TBCEL: variants seen among roughly 807,000 people sequenced by gnomAD.
TBCEL encodes the protein tubulin-specific chaperone cofactor E-like protein.
A neutral mutation model predicts 44.2 loss-of-function variants in TBCEL; 15 were observed. That is an observed-to-expected ratio of 0.34 (90% CI 0.23 to 0.52). The LOEUF (loss-of-function observed/expected upper bound fraction) is 0.52, where lower values mean the gene tolerates loss of function less well. Among genes scored for constraint, TBCEL ranks in the 20% least tolerant of loss-of-function variants. The pLI is 0.95. For synonymous variants in TBCEL, 171 were observed against 185.4 expected, an observed-to-expected ratio of 0.92 and a Z score of 0.63; for missense variants, 319 against 506.3, an observed-to-expected ratio of 0.63 and a Z score of 3.55.
intron 5 of TBCEL, chr11:121,054,840 A>C (rs1030923420): frequency 7.0e-6 from 3 of 429,312 alleles, no homozygotes; most frequent in African/African-American, 6.1e-5. Context: ...GCACTACCTT[A>C]TATCATTCTT....
At chr11:121,039,717 GAAGAAAACAATTACCCAAGTGGAT>G (rs1945297834) in intron 2 of TBCEL, among the ~76,000 whole-genome samples, 1 of 152,202 alleles carries the variant, frequency 6.6e-6, no homozygotes, top group African/African-American at 2.4e-5. Context: ...GTTGTCTTGT[GAAGAAAACAATTACCCAAGTGGAT>G]AGCAAATCAC....
chr11:121,037,688 T>C (rs1945256889), intron 2 of TBCEL, among the ~76,000 whole-genome samples: 2 of 152,236 alleles, frequency 1.3e-5, no homozygotes, highest in African/African-American at 4.8e-5. Flanking sequence ...TATCTAATCT[T>C]TGTGTAAAAA....
intron 2 of TBCEL, among the ~76,000 whole-genome samples, chr11:121,038,696 G>C (rs1229778968): frequency 2.0e-5 from 3 of 151,982 alleles, no homozygotes; most frequent in Non-Finnish European, 4.4e-5. Flanking sequence ...CTTAGTTTTT[G>C]CTGACCTCCC....
At chr11:121,042,057 C>T (rs1481570201) in intron 2 of TBCEL, among the ~76,000 whole-genome samples, 2 of 152,058 alleles carry the variant, frequency 1.3e-5, no homozygotes, top group African/African-American at 2.4e-5. Flanking sequence ...ACCATCCCTT[C>T]GTTTCTCTGT....
chr11:121,055,187 T>C lies in TBCEL; in HGVS notation c.591T>C (p.Val197=), dbSNP rs778699929. ...QDWTEIRKLG[V]MFPSLDTLVL... ...GGACTGAAATACGAAAGTTAGGAGTTATGTTTCCTTCACTGGATACCCTCG... is the reference window on the plus strand; with the variant it reads ...GGACTGAAATACGAAAGTTAGGAGTCATGTTTCCTTCACTGGATACCCTCG... Residue 197 remains valine (V), a synonymous_variant, in exon 6 of 9, where the codon GTT becomes GTC. Transcript: ENST00000683345. 35 of 1,612,248 alleles carry C rather than the reference T, an allele frequency of 2.2e-5. No individual in the cohort carries two copies. The highest frequency in any genetic ancestry group is 2.9e-5 in the Non-Finnish European group (34 of 1,179,014).
chr11:121,084,970 T>C (rs1946189421), intron 8 of TBCEL, among the ~76,000 whole-genome samples: 1 of 151,462 alleles, frequency 6.6e-6, no homozygotes, highest in East Asian at 1.9e-4. Flanking sequence ...AATCCTTACA[T>C]CCTGAAGTCC....
At chr11:121,041,112 C>G (rs1045854059) in intron 2 of TBCEL, among the ~76,000 whole-genome samples, 4 of 152,124 alleles carry the variant, frequency 2.6e-5, no homozygotes, top group African/African-American at 9.7e-5. Flanking sequence ...TATTGACTTG[C>G]ATACTTATTA....
At position 121,087,863 on chromosome 11, in the gene TBCEL, A is replaced by G. The variant is rs901915510; in HGVS notation, c.*767A>G. The G allele has an allele frequency of 2.0e-5, 3 of 152,186 alleles. No homozygotes were observed. Among genetic ancestry groups the G allele is most frequent in the African/African-American group, 7.2e-5 (3 of 41,450 alleles). The allele number at this position is 152,186 out of a possible 1,614,324, so 9.4% of individuals were successfully genotyped here. ...TGATCTCTTTGTATGTTACTAACTC[A>G]CTTTTAATGTCCCTGTACATTATGT... On this transcript the variant is annotated 3_prime_UTR_variant, in exon 9 of 9. Transcript: ENST00000683345.
chr11:121,085,907 A>T (rs549467019), intron 8 of TBCEL, among the ~76,000 whole-genome samples: 16 of 152,318 alleles, frequency 1.1e-4, no homozygotes, highest in Non-Finnish European at 1.9e-4. Flanking sequence ...TAGGGGGATA[A>T]TTTTATGTGA....
chr11:121,084,126 A>G (rs539841766), intron 8 of TBCEL, among the ~76,000 whole-genome samples: 13 of 152,314 alleles, frequency 8.5e-5, no homozygotes, highest in African/African-American at 2.9e-4. Context: ...AGTCGCCTCT[A>G]AAAGGTGCCC....
At chr11:121,077,777 A>T (rs1379103085) in intron 8 of TBCEL, among the ~76,000 whole-genome samples, 1 of 152,008 alleles carries the variant, frequency 6.6e-6, no homozygotes, top group African/African-American at 2.4e-5. Flanking sequence ...CTTTAAATAC[A>T]TTCTGTAATT....
chr11:121,040,584 C>G (rs927981695), intron 2 of TBCEL, among the ~76,000 whole-genome samples: 1 of 152,006 alleles, frequency 6.6e-6, no homozygotes, highest in Non-Finnish European at 1.5e-5. Flanking sequence ...ACAAAATTAT[C>G]TATTTCTATT....
intron 2 of TBCEL, among the ~76,000 whole-genome samples, chr11:121,045,081 TGGA>T (rs1303841125): frequency 1.3e-5 from 2 of 152,068 alleles, no homozygotes; most frequent in Non-Finnish European, 2.9e-5. Context: ...AGGCAACAGA[TGGA>T]GGAAGAAACA....
intron 1 of TBCEL, among the ~76,000 whole-genome samples, chr11:121,030,214 C>A: frequency 6.6e-6 from 1 of 152,086 alleles, no homozygotes; most frequent in Non-Finnish European, 1.5e-5. Context: ...CTTGGCAAGT[C>A]TGAGAAATAG....
intron 8 of TBCEL, among the ~76,000 whole-genome samples, chr11:121,085,558 TA>T (rs1436930572): frequency 6.6e-6 from 1 of 152,254 alleles, no homozygotes; most frequent in Non-Finnish European, 1.5e-5. Context: ...GTCACACAGC[TA>T]ATTATAAAAT....
chr11:121,072,684 A>G (rs1040483680), intron 8 of TBCEL, among the ~76,000 whole-genome samples: 3 of 151,066 alleles, frequency 2.0e-5, no homozygotes, highest in Non-Finnish European at 4.4e-5. Context: ...TGGTCTTTTC[A>G]CCTCGTATTT....
In TBCEL at chr11:121,053,415, C is replaced by T. The variant is rs76790020; in HGVS notation, c.274-136C>T. 1.7e-3 allele frequency: 1,215 copies of T among 709,430 alleles called. 8 individuals carry two copies. The African/African-American group carries it at 0.018, about 10-fold the overall frequency. 43.9% of individuals were successfully genotyped at this position (709,430 alleles called of 1,614,324 possible). ...ATCACTTATGTCCCTCTGTGAGTAC[C>T]GTCACTAAATAATAGGACTCCTTGA... On this transcript the variant is annotated intron_variant, in intron 4 of 8. Coordinates refer to ENST00000683345, the MANE Select transcript of TBCEL (RefSeq NM_001363644.2).
chr11:121,047,839 A>G (rs1945456935), intron 4 of TBCEL, 172 bp downstream of exon 4: 3 of 807,402 alleles, frequency 3.7e-6, no homozygotes, highest in African/African-American at 3.5e-5. Context: ...AATAAGGCCT[A>G]TAATCCCAGT....
intron 8 of TBCEL, among the ~76,000 whole-genome samples, chr11:121,066,596 T>C (rs536431796): frequency 2.2e-4 from 34 of 152,352 alleles, no homozygotes; most frequent in African/African-American, 8.2e-4. Context: ...CCTTGCAGTA[T>C]GCCAGGAACT....
Sources: gnomAD v4.1 joint callset for allele counts (sites outside exome capture counted in the v4.1 genomes callset) on GRCh38, gnomAD v4.1.1 for gene constraint, MANE v1.5 for transcripts, NCBI Gene and HGNC (gene_info 2026-07-23, HGNC 2026-07-21) for gene names.